Variants in ADGRB3 observed in about 807,000 individuals in gnomAD.
The protein encoded by ADGRB3 is brain-specific angiogenesis inhibitor 3.
Under a neutral mutation model 193.4 loss-of-function variants are expected in ADGRB3, and 37 were observed. The ratio of observed to expected loss-of-function variants is 0.19; its 90% CI spans 0.15 to 0.25. The LOEUF is 0.25. Ranked by LOEUF, ADGRB3 falls within the 10% of genes least tolerant of loss-of-function variation. The pLI is 1.00. For missense variants in ADGRB3, 1,637 were observed against 1,852.9 expected, an observed-to-expected ratio of 0.88 and a Z score of 2.14; for synonymous variants, 690 against 644.2, an observed-to-expected ratio of 1.07 and a Z score of -1.08.
rs1769442085 is a variant in ADGRB3, at chr6:69,361,145, G to C, written c.3872G>C (p.Gly1291Ala). Residue 1291 changes from glycine to alanine, a missense_variant, in exon 29 of 32, where the codon GGG (glycine) becomes GCG (alanine). Physicochemically the swap from Gly to Ala is moderately conservative, Grantham distance 60 (BLOSUM62 0). Coordinates refer to ENST00000370598, the MANE Select transcript of ADGRB3 (RefSeq NM_001704.3). ...VYLCTDDNLR[G>A]ADMDIVHPQE... ...TTATGTACGGATGATAATTTGAGAG[G>C]GGCTGACATGGACATAGTCCATCCT... 1 of 1,612,646 alleles carries C rather than the reference G, an allele frequency of 6.2e-7. No individual in the cohort carries two copies. The highest frequency in any genetic ancestry group is 1.3e-5 in the African/African-American group (1 of 74,796).
intron 17 of ADGRB3, chr6:69,232,994 C>T: frequency 4.6e-6 from 2 of 433,582 alleles, no homozygotes. Flanking sequence ...GTGCTGCCGC[C>T]GCTGCCGCTG....
chr6:69,279,741 G>A (rs753311888), intron 20 of ADGRB3, among the ~76,000 whole-genome samples: 4 of 152,024 alleles, frequency 2.6e-5, no homozygotes, highest in African/African-American at 9.7e-5. Context: ...AATCCAGCCC[G>A]TTAATGAGAG....
At chr6:69,364,947 C>A (rs1467441194) in intron 29 of ADGRB3, among the ~76,000 whole-genome samples, 1 of 152,024 alleles carries the variant, frequency 6.6e-6, no homozygotes, top group Non-Finnish European at 1.5e-5. Context: ...TAATTTAAAC[C>A]TTGGATTGTT....
chr6:69,342,100 T>C (rs1424601563), intron 26 of ADGRB3, among the ~76,000 whole-genome samples: 1 of 152,144 alleles, frequency 6.6e-6, no homozygotes, highest in African/African-American at 2.4e-5. Flanking sequence ...ACTTGCTAAT[T>C]GGACTATTAA....
chr6:69,210,677 C>G (rs1582548040), intron 17 of ADGRB3, among the ~76,000 whole-genome samples: 1 of 152,186 alleles, frequency 6.6e-6, no homozygotes, highest in South Asian at 2.1e-4. Flanking sequence ...GCCATCACAC[C>G]CAGCCAATGA....
At chr6:68,971,067 G>A (rs1293597319) in intron 8 of ADGRB3, among the ~76,000 whole-genome samples, 2 of 152,154 alleles carry the variant, frequency 1.3e-5, no homozygotes, top group Non-Finnish European at 2.9e-5. Flanking sequence ...AACTGGCTAC[G>A]CCAGCCTAAA....
chr6:68,829,842 T>C (rs1281511720), intron 3 of ADGRB3, among the ~76,000 whole-genome samples: 2 of 152,118 alleles, frequency 1.3e-5, no homozygotes, highest in Non-Finnish European at 2.9e-5. Flanking sequence ...ACTTTGATTA[T>C]AATAGAAAAT....
rs1328814380 is a variant in ADGRB3 at position 69,386,051 on chromosome 6, A to G, written c.4381-2652A>G. Among the ~76,000 whole-genome samples, 3 of 152,198 alleles carry G rather than the reference A, an allele frequency of 2.0e-5. No homozygotes were observed. The East Asian group carries it at 5.8e-4, about 29-fold the overall frequency. On this transcript the variant is annotated intron_variant, in intron 31 of 31. Coordinates refer to ENST00000370598, the MANE Select transcript of ADGRB3 (RefSeq NM_001704.3). ...ATTTGTGAACAATAATGAGAACACC[A>G]GTTGAGCTGGGAGTGGCTTGGGATG...
intron 20 of ADGRB3, among the ~76,000 whole-genome samples, chr6:69,250,600 C>T (rs1347909481): frequency 3.3e-5 from 5 of 152,182 alleles, no homozygotes; most frequent in Non-Finnish European, 5.9e-5. Context: ...GGCTCAGGGT[C>T]TCTCATGAGA....
intron 12 of ADGRB3, among the ~76,000 whole-genome samples, chr6:69,017,182 A>C (rs930269656): frequency 6.6e-6 from 1 of 151,916 alleles, no homozygotes; most frequent in Non-Finnish European, 1.5e-5. Context: ...TATACTGTAG[A>C]TACTGCCTGA....
At chr6:68,937,147 C>A (rs1173240793) in intron 5 of ADGRB3, among the ~76,000 whole-genome samples, 1 of 152,058 alleles carries the variant, frequency 6.6e-6, no homozygotes, top group South Asian at 2.1e-4. Context: ...CAAATAACTT[C>A]TTGGTATTTT....
chr6:68,805,782 G>A (rs1305375626), intron 3 of ADGRB3, among the ~76,000 whole-genome samples: 3 of 152,186 alleles, frequency 2.0e-5, no homozygotes. Context: ...AATACCTATA[G>A]TATTTATATG....
intron 3 of ADGRB3, among the ~76,000 whole-genome samples, chr6:68,773,477 A>G (rs1766679040): frequency 6.6e-6 from 1 of 152,156 alleles, no homozygotes; most frequent in Admixed American, 6.6e-5. Context: ...GCGTAGTGAG[A>G]TAATTTGTGT....
intron 3 of ADGRB3, among the ~76,000 whole-genome samples, chr6:68,680,155 A>G (rs982250505): frequency 2.0e-5 from 3 of 152,194 alleles, no homozygotes; most frequent in Non-Finnish European, 4.4e-5. Context: ...ACTGTGAGAA[A>G]TAAATTTCTG....
intron 10 of ADGRB3, among the ~76,000 whole-genome samples, chr6:68,983,861 C>T (rs1768997436): frequency 6.6e-6 from 1 of 152,132 alleles, no homozygotes; most frequent in South Asian, 2.1e-4. Flanking sequence ...TGAGGTCTCT[C>T]TATTTCTTCT....
intron 3 of ADGRB3, among the ~76,000 whole-genome samples, chr6:68,847,170 A>G (rs1249242925): frequency 6.6e-6 from 1 of 152,076 alleles, no homozygotes; most frequent in Non-Finnish European, 1.5e-5. Flanking sequence ...GTATTTACCC[A>G]ATACCCATAC....
chr6:68,816,122 A>G (rs1195443798), intron 3 of ADGRB3, among the ~76,000 whole-genome samples: 1 of 152,046 alleles, frequency 6.6e-6, no homozygotes, highest in Non-Finnish European at 1.5e-5. Context: ...ATTATATGAA[A>G]GGGAAATAAT....
rs949845340 is a variant in ADGRB3 at position 68,761,116 on chromosome 6, G to A, written c.757+121684G>A. 2.0e-5 allele frequency among the ~76,000 whole-genome samples: 3 copies of A among 152,252 alleles called. No homozygotes were observed. The East Asian group carries it at 5.8e-4, about 29-fold the overall frequency. The stretch of plus-strand genomic sequence containing the variant: ...CCTCCCTGGTGATCCTAAGAAACAG[G>A]ACAGCTGCTGACGGTAGTAAACAGC... On this transcript the variant is annotated intron_variant, in intron 3 of 31. Coordinates refer to ENST00000370598, the MANE Select transcript of ADGRB3 (RefSeq NM_001704.3).
chr6:68,993,808 G>T lies in ADGRB3; in HGVS notation c.1775G>T (p.Gly592Val), dbSNP rs140754081. 2 of 1,613,942 alleles carry T rather than the reference G, an allele frequency of 1.2e-6. No individual in the cohort carries two copies. Among genetic ancestry groups the T allele is most frequent in the South Asian group, 1.1e-5 (1 of 91,072 alleles). The change falls in exon 11 of 32, where the codon GGT (glycine) becomes GTT (valine). Residue 592 changes from glycine (G) to valine (V), a missense_variant. Physicochemically the swap from Gly to Val is moderately radical, Grantham distance 109. Around this residue, in one of 7 missense-constraint regions of ADGRB3, gnomAD observed 641 missense variants for 673.9 expected, o/e 0.95. Transcript: ENST00000370598. ...GCTAAGGGGCAGCGAATGCTGGCAG[G>T]TGATGGAATGTCCCAGGTGACCAAG... ...HLAKGQRMLA[G>V]DGMSQVTKTL...
Sources: allele counts gnomAD v4.1 joint callset (sites outside exome capture counted in the v4.1 genomes callset), GRCh38; gene constraint gnomAD v4.1.1; regional missense constraint gnomAD v4.1.1; transcripts MANE v1.5; gene names NCBI Gene and HGNC (gene_info 2026-07-23, HGNC 2026-07-21).